Variants in PARD3B observed in about 807,000 individuals in gnomAD.
The protein encoded by PARD3B is par-3 family cell polarity regulator beta.
Under a neutral mutation model 130.2 loss-of-function variants are expected in PARD3B, and 103 were observed. That is an observed-to-expected ratio of 0.79 (90% CI 0.67 to 0.93). PARD3B has a LOEUF of 0.93. PARD3B is among the 40% of genes least tolerant of loss of function. The probability of loss-of-function intolerance (pLI) is 0.00; values close to 1 mark genes in which losing one functional copy is unlikely to be tolerated. For missense variants in PARD3B, 1,609 were observed against 1,499.2 expected (o/e 1.07, Z -1.21); for synonymous variants, 583 against 553.2 (o/e 1.05, Z -0.76).
At chr2:204,900,643 G>T (rs934291649) in intron 2 of PARD3B, among the ~76,000 whole-genome samples, 1 of 152,120 alleles carries the variant, frequency 6.6e-6, no homozygotes, top group Non-Finnish European at 1.5e-5. Flanking sequence ...TGTTTGTTTT[G>T]TGAGGTCATA....
chr2:204,740,902 G>T (rs1392530309), intron 2 of PARD3B, among the ~76,000 whole-genome samples: 3 of 152,162 alleles, frequency 2.0e-5, no homozygotes, highest in African/African-American at 4.8e-5. Flanking sequence ...GTATCTTAAA[G>T]TGTGTTCATG....
chr2:204,800,042 T>A (rs190957712), intron 2 of PARD3B, among the ~76,000 whole-genome samples: 2 of 152,262 alleles, frequency 1.3e-5, no homozygotes, highest in Admixed American at 1.3e-4. Context: ...AAAGTACCAG[T>A]GACTAATCCT....
chr2:204,810,177 A>C (rs2042915757), intron 2 of PARD3B, among the ~76,000 whole-genome samples: 1 of 152,082 alleles, frequency 6.6e-6, no homozygotes, highest in Non-Finnish European at 1.5e-5. Context: ...CTACAGAATC[A>C]TGTCTTCTGC....
At chr2:205,610,631 G>A (rs949448585) in intron 22 of PARD3B, among the ~76,000 whole-genome samples, 4 of 152,142 alleles carry the variant, frequency 2.6e-5, no homozygotes, top group African/African-American at 7.2e-5. Context: ...TGTATTTCAA[G>A]TACTCTGTAG....
At chr2:205,041,837 T>C (rs1698414722) in intron 3 of PARD3B, among the ~76,000 whole-genome samples, 1 of 152,160 alleles carries the variant, frequency 6.6e-6, no homozygotes, top group African/African-American at 2.4e-5. Context: ...CCCTGCTGCC[T>C]GCATCATCAT....
At chr2:204,836,516 A>G (rs2044037171) in intron 2 of PARD3B, among the ~76,000 whole-genome samples, 1 of 152,000 alleles carries the variant, frequency 6.6e-6, no homozygotes, top group African/African-American at 2.4e-5. Context: ...TACAAAAATT[A>G]GCTGGGTGTG....
intron 2 of PARD3B, among the ~76,000 whole-genome samples, chr2:204,883,376 T>G (rs1433275607): frequency 7.3e-6 from 1 of 136,746 alleles, no homozygotes; most frequent in Admixed American, 7.4e-5. Flanking sequence ...ATATTTTCTT[T>G]TTTTATTTTA....
chr2:205,302,065 C>CTTTTTTTTTTTTT lies in PARD3B; in HGVS notation c.2630+375_2630+387dup, dbSNP rs3048088. On this transcript the variant is annotated intron_variant, in intron 18 of 22. Coordinates refer to ENST00000406610, the MANE Select transcript of PARD3B (RefSeq NM_001302769.2). ...CTATTCTTTTTTTCTTTTTTCTTTT[C>CTTTTTTTTTTTTT]TTTTTTTTTTTTTTTTTTTTTTTGA... 4.1e-4 allele frequency among the ~76,000 whole-genome samples: 32 copies of CTTTTTTTTTTTTT among 77,780 alleles called. 1 individual carries two copies. The highest frequency in any genetic ancestry group is 0.031 in the Middle Eastern group (2 of 64). 51.0% of individuals were successfully genotyped at this position (77,780 alleles called of 152,430 possible). A position where few individuals can be genotyped will look rare whatever the true frequency, so the allele number is the denominator to read the frequency against.
intron 2 of PARD3B, among the ~76,000 whole-genome samples, chr2:204,924,086 T>A (rs770222495): frequency 6.6e-6 from 1 of 152,038 alleles, no homozygotes; most frequent in Admixed American, 6.6e-5. Context: ...TGAAATAGGA[T>A]CTTGAGCAAA....
chr2:204,660,140 G>A (rs1361915992), intron 1 of PARD3B, among the ~76,000 whole-genome samples: 1 of 152,040 alleles, frequency 6.6e-6, no homozygotes, highest in Non-Finnish European at 1.5e-5. Flanking sequence ...TGCTTCCCTT[G>A]GGGAAGAAGC....
intron 19 of PARD3B, among the ~76,000 whole-genome samples, chr2:205,408,723 T>C (rs900800595): frequency 1.3e-5 from 2 of 152,198 alleles, no homozygotes; most frequent in Admixed American, 6.5e-5. Context: ...TTTGGCACTA[T>C]TTAAACTGTT....
chr2:205,089,781 A>G (rs1428097200), intron 4 of PARD3B, among the ~76,000 whole-genome samples: 1 of 152,190 alleles, frequency 6.6e-6, no homozygotes, highest in Non-Finnish European at 1.5e-5. Flanking sequence ...TTCTGTATGC[A>G]TGTACTTCAG....
At chr2:204,822,735 G>A (rs1482873582) in intron 2 of PARD3B, among the ~76,000 whole-genome samples, 2 of 152,096 alleles carry the variant, frequency 1.3e-5, no homozygotes, top group East Asian at 3.9e-4. Context: ...GTGAAATGTG[G>A]AACATATTTT....
intron 2 of PARD3B, among the ~76,000 whole-genome samples, chr2:204,803,954 C>G (rs1436920480): frequency 1.3e-5 from 2 of 152,150 alleles, no homozygotes; most frequent in Admixed American, 6.5e-5. Context: ...AGCGAGATAG[C>G]TAATGCCTGT....
chr2:205,148,933 A>C (rs572837250), intron 10 of PARD3B, among the ~76,000 whole-genome samples: 1 of 152,198 alleles, frequency 6.6e-6, no homozygotes, highest in South Asian at 2.1e-4. Flanking sequence ...AAGGTTCAGC[A>C]TGGATGCTTT....
chr2:204,585,870 T>G (rs2032799413), intron 1 of PARD3B, among the ~76,000 whole-genome samples: 2 of 152,254 alleles, frequency 1.3e-5, no homozygotes, highest in African/African-American at 2.4e-5. Flanking sequence ...AAACATTTGT[T>G]CCTTTGAAGA....
At chr2:204,784,935 G>A (rs1221467623) in intron 2 of PARD3B, among the ~76,000 whole-genome samples, 1 of 152,142 alleles carries the variant, frequency 6.6e-6, no homozygotes, top group African/African-American at 2.4e-5. Flanking sequence ...TACGTCTTGT[G>A]TTAAGAGTTC....
chr2:205,239,597 T>C (rs1044242612), intron 15 of PARD3B, among the ~76,000 whole-genome samples: 2 of 152,206 alleles, frequency 1.3e-5, no homozygotes, highest in African/African-American at 4.8e-5. Context: ...ATGAAAAGTA[T>C]TGGATTTTCG....
At chr2:205,019,000 T>C (rs1696386042) in intron 3 of PARD3B, among the ~76,000 whole-genome samples, 1 of 152,178 alleles carries the variant, frequency 6.6e-6, no homozygotes, top group African/African-American at 2.4e-5. Context: ...TCATAACATA[T>C]TGTTCACCTA....
Sources: allele counts gnomAD v4.1 joint callset (sites outside exome capture counted in the v4.1 genomes callset), GRCh38; gene constraint gnomAD v4.1.1; transcripts MANE v1.5; gene names NCBI Gene and HGNC (gene_info 2026-07-23, HGNC 2026-07-21).